The following ZNF385D variants were observed in gnomAD, a reference collection of about 807,000 sequenced individuals.
The protein encoded by ZNF385D is zinc finger protein 385D, also known as zinc finger protein 659.
In ZNF385D, 15 loss-of-function variants were observed where a neutral mutation model predicts 35.8. The ratio of observed to expected loss-of-function variants is 0.42; its 90% confidence interval spans 0.28 to 0.64. The LOEUF (loss-of-function observed/expected upper bound fraction) is 0.64, where lower values mean the gene tolerates loss of function less well. Ranked by LOEUF, ZNF385D falls within the 30% of genes least tolerant of loss-of-function variation. The probability of loss-of-function intolerance (pLI) is 0.23; values close to 1 mark genes in which losing one functional copy is unlikely to be tolerated. For synonymous variants in ZNF385D, 212 were observed against 186.8 expected (o/e 1.13, Z -1.10); for missense variants, 474 against 494.6 (o/e 0.96, Z 0.39).
intron 1 of ZNF385D, among the ~76,000 whole-genome samples, chr3:21,682,902 C>T (rs2066963512): frequency 6.7e-6 from 1 of 149,890 alleles, no homozygotes; most frequent in South Asian, 2.1e-4. Flanking sequence ...CTAAGATAGT[C>T]ATCAGCCAGA....
intron 3 of ZNF385D, among the ~76,000 whole-genome samples, chr3:22,022,522 G>C (rs1697289156): frequency 6.6e-6 from 1 of 151,936 alleles, no homozygotes; most frequent in Non-Finnish European, 1.5e-5. Context: ...TGTACTTATA[G>C]CAAATATACC....
At chr3:22,249,125 C>G (rs1458528143) in intron 2 of ZNF385D, among the ~76,000 whole-genome samples, 1 of 152,128 alleles carries the variant, frequency 6.6e-6, no homozygotes, top group East Asian at 1.9e-4. Context: ...AGTCCAGACT[C>G]TTGGACTAGA....
chr3:22,325,982 C>T (rs949146041), intron 2 of ZNF385D, among the ~76,000 whole-genome samples: 3 of 152,056 alleles, frequency 2.0e-5, no homozygotes, highest in African/African-American at 7.2e-5. Context: ...ATAGCAGGTG[C>T]ACCATCTTCC....
chr3:22,048,276 C>T (rs1007312131), intron 3 of ZNF385D, among the ~76,000 whole-genome samples: 2 of 151,862 alleles, frequency 1.3e-5, no homozygotes, highest in African/African-American at 4.8e-5. Context: ...GAAAAAAAGC[C>T]TATTTTTCCT....
intron 3 of ZNF385D, among the ~76,000 whole-genome samples, chr3:21,904,317 A>AAAAC: frequency 6.6e-6 from 1 of 151,804 alleles, no homozygotes; most frequent in East Asian, 1.9e-4. Context: ...AAAAAAAAAA[A>AAAAC]AAAAAAGAAT....
At chr3:22,126,558 T>C (rs1433883134) in intron 3 of ZNF385D, among the ~76,000 whole-genome samples, 1 of 152,104 alleles carries the variant, frequency 6.6e-6, no homozygotes, top group Non-Finnish European at 1.5e-5. Flanking sequence ...TGATATTATT[T>C]CAATTTTTCT....
chr3:21,722,834 T>C (rs9817679), intron 1 of ZNF385D, among the ~76,000 whole-genome samples: 1 of 152,206 alleles, frequency 6.6e-6, no homozygotes, highest in Non-Finnish European at 1.5e-5. Context: ...TACAGTATAT[T>C]TGGTTTCATC....
At chr3:22,021,812 GAATTACT>G (rs1263817993) in intron 3 of ZNF385D, among the ~76,000 whole-genome samples, 3 of 152,148 alleles carry the variant, frequency 2.0e-5, no homozygotes, top group African/African-American at 7.2e-5. Context: ...GGAGCTTCAG[GAATTACT>G]GATGCTTTGT....
intron 3 of ZNF385D, among the ~76,000 whole-genome samples, chr3:21,849,348 T>C (rs959136630): frequency 4.6e-5 from 7 of 152,144 alleles, no homozygotes; most frequent in African/African-American, 1.7e-4. Context: ...AGTTTGTGAA[T>C]TGCTAATTTA....
chr3:21,876,343 C>A (rs562973333), intron 3 of ZNF385D, among the ~76,000 whole-genome samples: 2 of 150,850 alleles, frequency 1.3e-5, no homozygotes, highest in Non-Finnish European at 2.9e-5. Context: ...CTGGTCAAAA[C>A]GGTATGGATA....
In ZNF385D at chr3:21,840,723, A is replaced by G. The variant is rs575788390; in HGVS notation, c.326-175695T>C. Among the ~76,000 whole-genome samples, 40 of 152,086 alleles carry G rather than the reference A, an allele frequency of 2.6e-4. 1 individual carries two copies. The South Asian group carries it at 8.1e-3, about 31-fold the overall frequency. On this transcript the variant is annotated intron_variant, in intron 3 of 5. Coordinates refer to the ZNF385D transcript ENST00000494108. ...CAGTTCTAATACTCTACCATTATTT[A>G]TTTATACATTTGCTTTTGGAATGTG...
intron 3 of ZNF385D, among the ~76,000 whole-genome samples, chr3:22,159,059 T>C (rs1705777297): frequency 6.6e-6 from 1 of 151,924 alleles, no homozygotes; most frequent in Non-Finnish European, 1.5e-5. Flanking sequence ...GTGGACGTGA[T>C]TAGTAACTGA....
intron 3 of ZNF385D, among the ~76,000 whole-genome samples, chr3:21,949,557 T>TCTTTC (rs56714734): frequency 7.1e-6 from 1 of 141,000 alleles, no homozygotes. Context: ...TTTCTTTCTT[T>TCTTTC]TTTTTTTTTT....
intron 1 of ZNF385D, among the ~76,000 whole-genome samples, chr3:21,685,356 T>C (rs1447677266): frequency 2.0e-5 from 3 of 152,160 alleles, no homozygotes; most frequent in Admixed American, 1.3e-4. Context: ...TTTCAAAATA[T>C]TAAGCTTAAC....
intron 3 of ZNF385D, among the ~76,000 whole-genome samples, chr3:22,165,203 T>C (rs1706233174): frequency 6.6e-6 from 1 of 152,224 alleles, no homozygotes; most frequent in Non-Finnish European, 1.5e-5. Context: ...TTGTAACAAA[T>C]GTAGCACTGT....
chr3:22,356,800 A>T (rs536431658), intron 2 of ZNF385D, among the ~76,000 whole-genome samples: 7 of 151,954 alleles, frequency 4.6e-5, no homozygotes, highest in Non-Finnish European at 8.8e-5. Flanking sequence ...AGAAAGATAG[A>T]TAGATAGCTC....
At chr3:22,255,444 T>C (rs554009415) in intron 2 of ZNF385D, among the ~76,000 whole-genome samples, 1 of 152,002 alleles carries the variant, frequency 6.6e-6, no homozygotes, top group Non-Finnish European at 1.5e-5. Context: ...TGGGGATTCT[T>C]TTCATATTCT....
intron 4 of ZNF385D, among the ~76,000 whole-genome samples, chr3:21,506,264 C>T (rs1706773629): frequency 6.6e-6 from 1 of 152,138 alleles, no homozygotes; most frequent in Admixed American, 6.6e-5. Context: ...CCATAGAATT[C>T]TCCAGCTAGT....
chr3:21,469,542 A>C, intron 4 of ZNF385D, among the ~76,000 whole-genome samples: 1 of 152,310 alleles, frequency 6.6e-6, no homozygotes, highest in Middle Eastern at 3.4e-3. Context: ...TATATTAATA[A>C]ATATACATTG....
Sources: allele counts gnomAD v4.1 joint callset (sites outside exome capture counted in the v4.1 genomes callset), GRCh38; gene constraint gnomAD v4.1.1; transcripts MANE v1.5; gene names NCBI Gene and HGNC (gene_info 2026-07-23, HGNC 2026-07-21).